SLC12A1: variants seen among roughly 807,000 people sequenced by gnomAD.
SLC12A1 encodes the protein Na-K-2Cl cotransporter.
A neutral mutation model predicts 130.4 loss-of-function variants in SLC12A1; 89 were observed. That is an observed-to-expected ratio of 0.68 (90% CI 0.58 to 0.81). The LOEUF is 0.81. SLC12A1 is among the 40% of genes least tolerant of loss of function. The pLI, the probability that SLC12A1 is intolerant of heterozygous loss-of-function variation, is 0.00. For missense variants in SLC12A1, 1,310 were observed against 1,336.4 expected (o/e 0.98, Z 0.31); for synonymous variants, 499 against 460.0 (o/e 1.08, Z -1.09).
rs962477389 is a variant in SLC12A1 at position 48,298,994 on chromosome 15, A to G, written c.2961-146A>G. ...CTGTAGCCATGGTTTTACTCACAGT[A>G]AATTCCCTGCAAAGATAATTCTTAA... On this transcript the variant is annotated intron_variant, in intron 24 of 26. Transcript: ENST00000380993. The G allele has an allele frequency of 1.2e-5, 9 of 741,316 alleles. No individual in the cohort carries two copies. In the Admixed American group the frequency reaches 3.1e-4, roughly 25 times the overall value. The allele number at this position is 741,316 out of a possible 1,614,324, so 45.9% of individuals were successfully genotyped here.
chr15:48,281,120 C>T (rs956428752), intron 20 of SLC12A1, among the ~76,000 whole-genome samples: 3 of 152,144 alleles, frequency 2.0e-5, no homozygotes, highest in African/African-American at 2.4e-5. Context: ...GTTTGGATCC[C>T]AAATTTGACA....
At position 48,299,286 on chromosome 15, in the gene SLC12A1, G is replaced by A. The variant is rs2042208219; in HGVS notation, c.3096+11G>A. On this transcript the variant is annotated intron_variant, in intron 25 of 26. Transcript: ENST00000380993. ...GCAGTCAAGGAAAAGGTAAGGATTT[G>A]TCTTTCTTAATTTTTTTGCTGTCTA... is the stretch of plus-strand genomic sequence containing the variant. The A allele has an allele frequency of 6.4e-7, 1 of 1,566,142 alleles. No homozygotes were observed. Among genetic ancestry groups the A allele is most frequent in the Non-Finnish European group, 8.6e-7 (1 of 1,163,306 alleles).
intron 13 of SLC12A1, among the ~76,000 whole-genome samples, chr15:48,248,286 G>A (rs1304784655): frequency 6.6e-6 from 1 of 152,182 alleles, no homozygotes; most frequent in East Asian, 1.9e-4. Context: ...GTATGAGGCT[G>A]AAGAGGGGAA....
rs935781610 is a variant in SLC12A1 at position 48,270,994 on chromosome 15, C to T, written c.2402+1230C>T. On this transcript the variant is annotated intron_variant, in intron 19 of 26. Transcript: ENST00000380993. ...ATCCCAGCATTTTGGGAGGCCGAGGCGGGTGGATTACCTGAGGTCAGGAGT... is the reference window on the plus strand; with the variant it reads ...ATCCCAGCATTTTGGGAGGCCGAGGTGGGTGGATTACCTGAGGTCAGGAGT... Among the ~76,000 whole-genome samples the T allele has an allele frequency of 1.3e-5, 2 of 150,516 alleles. 1 individual carries two copies.
At chr15:48,213,550 C>G (rs1476758156) in intron 2 of SLC12A1, among the ~76,000 whole-genome samples, 1 of 144,750 alleles carries the variant, frequency 6.9e-6, no homozygotes, top group African/African-American at 2.6e-5. Context: ...GTCACCCGGG[C>G]TAGAGTGCCG....
At chr15:48,284,665 G>A (rs1308276305) in intron 20 of SLC12A1, among the ~76,000 whole-genome samples, 3 of 152,044 alleles carry the variant, frequency 2.0e-5, no homozygotes, top group Non-Finnish European at 4.4e-5. Context: ...TTGGAGACAC[G>A]ATCTCACTCT....
intron 5 of SLC12A1, chr15:48,226,961 T>C (rs2041297238): frequency 1.5e-6 from 1 of 685,332 alleles, no homozygotes; most frequent in Admixed American, 2.6e-5. Context: ...TTTAGAACAT[T>C]TCAGGTTTTC....
chr15:48,300,167 AC>A lies in SLC12A1; in HGVS notation c.3096+893del, dbSNP rs2042217243. The stretch of plus-strand genomic sequence containing the variant: ...GTTAACAGAGCAAAACCCCACCTCT[AC>A]AAAAAATTACAAAAATTAGCCTGGT... On this transcript the variant is annotated intron_variant, in intron 25 of 26. Coordinates refer to ENST00000380993, the MANE Select transcript of SLC12A1 (RefSeq NM_000338.3). 3.3e-5 allele frequency among the ~76,000 whole-genome samples: 5 copies of A among 152,108 alleles called. No homozygotes were observed. The South Asian group carries it at 1.0e-3, about 32-fold the overall frequency.
intron 15 of SLC12A1, among the ~76,000 whole-genome samples, chr15:48,252,811 G>C (rs1042570169): frequency 1.3e-5 from 2 of 152,118 alleles, no homozygotes; most frequent in African/African-American, 4.8e-5. Flanking sequence ...TGCAAGTGCG[G>C]GGCAGCATAT....
intron 13 of SLC12A1, 22 bp downstream of exon 13, chr15:48,247,482 T>A: frequency 2.6e-6 from 4 of 1,562,220 alleles, no homozygotes; most frequent in Non-Finnish European, 3.5e-6. Context: ...TTTCTTGTTT[T>A]TATTGAAAAC....
chr15:48,288,357 C>T, intron 22 of SLC12A1, 48 bp from the exon 23 acceptor site: 1 of 1,138,384 alleles, frequency 8.8e-7, no homozygotes, highest in South Asian at 1.4e-5. Context: ...TATTCATTTC[C>T]TTCCATTTAG....
chr15:48,278,305 C>T (rs1032229603), intron 20 of SLC12A1, among the ~76,000 whole-genome samples: 1 of 152,228 alleles, frequency 6.6e-6, no homozygotes, highest in Admixed American at 6.5e-5. Context: ...CTTGTTCACA[C>T]ATAGCATTTA....
At position 48,220,622 on chromosome 15, in the gene SLC12A1, T is replaced by A. The variant is rs771539140; in HGVS notation, c.421-12T>A. The stretch of plus-strand genomic sequence containing the variant: ...GACCAACTACTGTGTTTTTGCTATC[T>A]ATAAAATGCAGAATGTGGCAGTCAC... On this transcript the variant is annotated splice_polypyrimidine_tract_variant and intron_variant, in intron 2 of 26. Coordinates refer to ENST00000380993, the MANE Select transcript of SLC12A1 (RefSeq NM_000338.3). The A allele has an allele frequency of 1.9e-6, 3 of 1,610,940 alleles. No homozygotes were observed. The highest frequency in any genetic ancestry group is 1.7e-6 in the Non-Finnish European group (2 of 1,178,260).
chr15:48,301,359 C>G lies in SLC12A1; in HGVS notation c.3141C>G (p.Ser1047=), dbSNP rs560723209. Reference sequence around the variant, plus strand: ...TGAATGAACTCTTACAGGAGCACTCCAGAGCTGCTAATCTCATTGTCCTGT... The same window carrying G: ...TGAATGAACTCTTACAGGAGCACTCGAGAGCTGCTAATCTCATTGTCCTGT... ...VRLNELLQEH[S]RAANLIVLSL... Residue 1047 remains serine (S), a synonymous_variant, in exon 26 of 27, where the codon TCC becomes TCG. Transcript: ENST00000380993. 13 of 1,596,046 alleles carry G rather than the reference C, an allele frequency of 8.1e-6. No individual in the cohort carries two copies. In the South Asian group the frequency reaches 1.3e-4, roughly 15 times the overall value.
chr15:48,226,519 T>C lies in SLC12A1; in HGVS notation c.672T>C (p.Ser224=). 6.2e-7 allele frequency: 1 copy of C among 1,608,164 alleles called. No homozygotes were observed. Among genetic ancestry groups the C allele is most frequent in the Non-Finnish European group, 8.5e-7 (1 of 1,177,808 alleles). The part of the protein sequence containing the change: ...LIILLSTMVT[S]ITGLSTSAIA... Reference sequence around the variant, plus strand: ...TTCTTCTTTCCACCATGGTAACTTCTATTACTGGGTTGTCAACTTCTGCGA... The same window carrying C: ...TTCTTCTTTCCACCATGGTAACTTCCATTACTGGGTTGTCAACTTCTGCGA... The change falls in exon 5 of 27, where the codon TCT becomes TCC. Residue 224 remains serine, a synonymous_variant. Transcript: ENST00000380993.
chr15:48,232,871 A>G (rs1214076040), intron 8 of SLC12A1, 33 bp downstream of exon 8: 2 of 1,254,966 alleles, frequency 1.6e-6, no homozygotes, highest in South Asian at 1.2e-5. Context: ...TTTTCATTAA[A>G]TACTTCTCCA....
At position 48,220,762 on chromosome 15, in the gene SLC12A1, G is replaced by A. The variant is rs200618608; in HGVS notation, c.549G>A (p.Val183=). Residue 183 remains valine (V), a synonymous_variant, in exon 3 of 27, where the codon GTG becomes GTA. Coordinates refer to ENST00000380993, the MANE Select transcript of SLC12A1 (RefSeq NM_000338.3). ...GVVKFGWVKG[V]LVRCMLNIWG... ...TGAAGTTTGGATGGGTGAAAGGTGTGCTGGTGAGAAAGCTCTTCTGTTTAC... is the reference window on the plus strand; with the variant it reads ...TGAAGTTTGGATGGGTGAAAGGTGTACTGGTGAGAAAGCTCTTCTGTTTAC... The A allele has an allele frequency of 8.7e-6, 14 of 1,613,970 alleles. 1 individual carries two copies. In the South Asian group the frequency reaches 1.3e-4, roughly 15 times the overall value.
rs35432556 is a variant in SLC12A1 at position 48,249,798 on chromosome 15, A to G, written c.1786+122A>G. 5.7e-3 allele frequency: 3,986 copies of G among 694,534 alleles called. 120 individuals are homozygous for G. In the African/African-American group the frequency reaches 0.064, roughly 11 times the overall value. The allele number at this position is 694,534 out of a possible 1,614,324, so 43.0% of individuals were successfully genotyped here. A position where few individuals can be genotyped will look rare whatever the true frequency, so the allele number is the denominator to read the frequency against. On this transcript the variant is annotated intron_variant, in intron 14 of 26. Transcript: ENST00000380993. ...TATGTTTCCTTATATCCTAGTGGGA[A>G]GCGTAATCCACTTTATTTTGGTGAG... is the stretch of plus-strand genomic sequence containing the variant.
intron 2 of SLC12A1, among the ~76,000 whole-genome samples, chr15:48,211,295 G>A (rs547041138): frequency 6.6e-6 from 1 of 152,330 alleles, no homozygotes; most frequent in South Asian, 2.1e-4. Flanking sequence ...CTCTCCATGT[G>A]TAGCAGTCTG....
Sources: gnomAD v4.1 joint callset for allele counts (sites outside exome capture counted in the v4.1 genomes callset) on GRCh38, gnomAD v4.1.1 for gene constraint, MANE v1.5 for transcripts, NCBI Gene and HGNC (gene_info 2026-07-23, HGNC 2026-07-21) for gene names.